Variants in AQR observed in about 807,000 individuals in gnomAD.
AQR encodes the protein RNA helicase aquarius.
Under a neutral mutation model 180.5 loss-of-function variants are expected in AQR, and 61 were observed. The observed-to-expected ratio is 0.34, with a 90% CI of 0.28 to 0.42. AQR has a LOEUF of 0.42. AQR is among the 10% of genes least tolerant of loss of function. AQR has a pLI of 1.00. For missense variants in AQR, 1,281 were observed against 1,798.3 expected (o/e 0.71, Z 5.20); for synonymous variants, 551 against 588.8 (o/e 0.94, Z 0.93).
At chr15:34,921,610 T>A (rs370772527) in intron 13 of AQR, among the ~76,000 whole-genome samples, 13 of 152,246 alleles carry the variant, frequency 8.5e-5, no homozygotes, top group African/African-American at 2.9e-4. Flanking sequence ...AAAATTAGAA[T>A]TTTGGAAAAC....
At chr15:34,958,656 G>C (rs1243246959) in intron 3 of AQR, among the ~76,000 whole-genome samples, 1 of 151,780 alleles carries the variant, frequency 6.6e-6, no homozygotes, top group Non-Finnish European at 1.5e-5. Flanking sequence ...TAATAGCAAG[G>C]GTTTAAATGA....
At chr15:34,875,816 GA>G in intron 28 of AQR, 118 bp downstream of exon 28, 1 of 677,228 alleles carries the variant, frequency 1.5e-6, no homozygotes, top group Non-Finnish European at 2.5e-6. Flanking sequence ...CAAACATAAT[GA>G]AGTTAAGGAA....
intron 25 of AQR, among the ~76,000 whole-genome samples, chr15:34,885,672 C>T (rs1420913115): frequency 6.6e-6 from 1 of 152,128 alleles, no homozygotes; most frequent in Non-Finnish European, 1.5e-5. Flanking sequence ...GTCAAAAAAG[C>T]ATTTAAGCTG....
chr15:34,852,721 C>A lies in AQR; in HGVS notation c.*4071G>T, dbSNP rs577793450. On this transcript the variant is annotated 3_prime_UTR_variant, in exon 35 of 35. Coordinates refer to ENST00000156471, the MANE Select transcript of AQR (RefSeq NM_014691.3). ...TCTGCAAAGGAGGAACAATAATTCACTGTTTCCCAAACTTATCTGACCATA... is the reference window on the plus strand; with the variant it reads ...TCTGCAAAGGAGGAACAATAATTCAATGTTTCCCAAACTTATCTGACCATA... 2 of 152,328 alleles carry A rather than the reference C, an allele frequency of 1.3e-5. No individual in the cohort carries two copies. Among genetic ancestry groups the A allele is most frequent in the Non-Finnish European group, 2.9e-5 (2 of 68,022 alleles). 9.4% of individuals were successfully genotyped at this position (152,328 alleles called of 1,614,324 possible).
At chr15:34,895,140 C>A (rs1430267918) in intron 22 of AQR, among the ~76,000 whole-genome samples, 3 of 54,222 alleles carry the variant, frequency 5.5e-5, no homozygotes, top group Non-Finnish European at 1.1e-4. Flanking sequence ...TCAGCCTGGG[C>A]TAAAAAGTAA....
At chr15:34,877,238 G>A (rs1208255616) in intron 27 of AQR, among the ~76,000 whole-genome samples, 1 of 152,020 alleles carries the variant, frequency 6.6e-6, no homozygotes, top group African/African-American at 2.4e-5. Flanking sequence ...ATCTAATTCT[G>A]ATCGCTACTT....
intron 27 of AQR, 52 bp from the exon 28 acceptor site, chr15:34,876,058 C>G: frequency 6.8e-6 from 9 of 1,314,510 alleles, no homozygotes; most frequent in Non-Finnish European, 9.8e-6. Context: ...CAAACAACTA[C>G]CATCATAAAC....
intron 2 of AQR, among the ~76,000 whole-genome samples, chr15:34,962,561 G>C (rs2050285835): frequency 6.6e-6 from 1 of 152,080 alleles, no homozygotes; most frequent in African/African-American, 2.4e-5. Flanking sequence ...CTGAAGTTAG[G>C]AGTTTGAGAC....
At chr15:34,940,842 C>G in intron 8 of AQR, 57 bp downstream of exon 8, 2 of 1,331,086 alleles carry the variant, frequency 1.5e-6, no homozygotes, top group East Asian at 2.3e-5. Flanking sequence ...TCAACATCAT[C>G]TAAGGTCCAC....
At chr15:34,933,232 G>C (rs1893893683) in intron 10 of AQR, among the ~76,000 whole-genome samples, 1 of 152,176 alleles carries the variant, frequency 6.6e-6, no homozygotes, top group Non-Finnish European at 1.5e-5. Context: ...TCAGAAGTTA[G>C]AAGTTAGTTA....
intron 3 of AQR, among the ~76,000 whole-genome samples, chr15:34,955,638 T>C (rs1198871345): frequency 2.0e-5 from 3 of 152,192 alleles, no homozygotes; most frequent in African/African-American, 7.2e-5. Flanking sequence ...CCAGGCACAG[T>C]GGCTCACGTC....
Position 34,852,138 on chromosome 15 carries a change from G to C in AQR, c.*4654C>G, listed in dbSNP as rs999140248. On this transcript the variant is annotated 3_prime_UTR_variant, in exon 35 of 35. Coordinates refer to ENST00000156471, the MANE Select transcript of AQR (RefSeq NM_014691.3). ...GATTCACAGTTCTAGCCAATGTAAA[G>C]ATATTGGTTCCCAAGGAAATAGCTA... 2 of 151,564 alleles carry C rather than the reference G, an allele frequency of 1.3e-5. No homozygotes were observed. Among genetic ancestry groups the C allele is most frequent in the African/African-American group, 4.9e-5 (2 of 41,236 alleles). The allele number at this position is 151,564 out of a possible 1,614,324, so 9.4% of individuals were successfully genotyped here. A position where few individuals can be genotyped will look rare whatever the true frequency, so the allele number is the denominator to read the frequency against.
intron 26 of AQR, among the ~76,000 whole-genome samples, chr15:34,883,851 A>G (rs931520223): frequency 1.3e-5 from 2 of 152,190 alleles, no homozygotes; most frequent in African/African-American, 4.8e-5. Context: ...CTCTGTTCCC[A>G]TTGTGTAGCT....
intron 21 of AQR, among the ~76,000 whole-genome samples, chr15:34,897,298 G>C (rs1324195887): frequency 6.6e-6 from 1 of 152,138 alleles, no homozygotes; most frequent in Non-Finnish European, 1.5e-5. Flanking sequence ...CATGAAGTAA[G>C]AACCCTTTGC....
In AQR at chr15:34,910,297, C is replaced by G; in HGVS notation, c.1501G>C (p.Gly501Arg). 6.2e-7 allele frequency: 1 copy of G among 1,613,240 alleles called. No individual in the cohort carries two copies. Among genetic ancestry groups the G allele is most frequent in the Non-Finnish European group, 8.5e-7 (1 of 1,179,510 alleles). ...RMKPWQSEYG[G>R]VVFGGWARMA... is the part of the protein sequence containing the mutation. ...CGCGCCCAACCACCAAACACTACAC[C>G]GCCATATTCAGATTGCCTGAAACCA... is the stretch of plus-strand genomic sequence containing the variant. The change falls in exon 17 of 35, where the codon GGT (glycine) becomes CGT (arginine). Residue 501 changes from glycine to arginine, a missense_variant. By Grantham distance (125) the Gly-to-Arg change is moderately radical (BLOSUM62 -2). Around this residue, in one of 9 missense-constraint regions of AQR, gnomAD observed 200 missense variants for 293.4 expected, o/e 0.68. Coordinates refer to ENST00000156471, the MANE Select transcript of AQR (RefSeq NM_014691.3).
intron 18 of AQR, among the ~76,000 whole-genome samples, chr15:34,905,952 T>G (rs538949093): frequency 6.6e-6 from 1 of 152,088 alleles, no homozygotes; most frequent in African/African-American, 2.4e-5. Flanking sequence ...CAGAATTGCT[T>G]GAACTTGGGA....
rs1893318297 is a variant in AQR, at chr15:34,900,674, G to A, written c.2191C>T (p.His731Tyr). 1 of 1,614,016 alleles carries A rather than the reference G, an allele frequency of 6.2e-7. No individual in the cohort carries two copies. Among genetic ancestry groups the A allele is most frequent in the African/African-American group, 1.3e-5 (1 of 74,906 alleles). ...IEHLKASFPG[H>Y]NVKVTVEDPA... ...TCTTCTACAGTTACTTTAACATTAT[G>A]ACCAGGGAAGCTGGCTTTTAAATGC... Residue 731 changes from histidine (H) to tyrosine (Y), a missense_variant, in exon 20 of 35, where the codon CAT (histidine) becomes TAT (tyrosine). Physicochemically the swap from His to Tyr is moderately conservative, Grantham distance 83 (BLOSUM62 2). This residue lies in a region of AQR where 112 missense variants were observed against 128.6 expected (regional missense o/e 0.87). Coordinates refer to ENST00000156471, the MANE Select transcript of AQR (RefSeq NM_014691.3).
At chr15:34,863,404 C>A (rs890727109) in intron 32 of AQR, among the ~76,000 whole-genome samples, 1 of 152,122 alleles carries the variant, frequency 6.6e-6, no homozygotes, top group African/African-American at 2.4e-5. Flanking sequence ...ACTTCACCTA[C>A]CAAAATCCCA....
At position 34,934,686 on chromosome 15, in the gene AQR, C is replaced by T. The variant is rs375971952; in HGVS notation, c.719-51G>A. 5.9e-5 allele frequency: 76 copies of T among 1,296,582 alleles called. No individual in the cohort carries two copies. In the African/African-American group the frequency reaches 1.1e-3, roughly 18 times the overall value. 80.3% of individuals were successfully genotyped at this position (1,296,582 alleles called of 1,614,324 possible). On this transcript the variant is annotated intron_variant, in intron 9 of 34. Coordinates refer to ENST00000156471, the MANE Select transcript of AQR (RefSeq NM_014691.3). The stretch of plus-strand genomic sequence containing the variant: ...AGAATTTCCTTACTAGGCCATTTTG[C>T]ATGCTGTTTCTGAAAACTGGCAGTT...
Sources: allele counts gnomAD v4.1 joint callset (sites outside exome capture counted in the v4.1 genomes callset), GRCh38; gene constraint gnomAD v4.1.1; regional missense constraint gnomAD v4.1.1; transcripts MANE v1.5; gene names NCBI Gene and HGNC (gene_info 2026-07-23, HGNC 2026-07-21).